Variants in ERBIN observed in about 807,000 individuals in gnomAD.
ERBIN encodes the protein densin-180-like protein.
In ERBIN, 60 loss-of-function variants were observed where a neutral mutation model predicts 158.4. The ratio of observed to expected loss-of-function variants is 0.38; its 90% CI spans 0.31 to 0.47. The LOEUF (loss-of-function observed/expected upper bound fraction) is 0.47, where lower values mean the gene tolerates loss of function less well. Ranked by LOEUF, ERBIN falls within the 20% of genes least tolerant of loss-of-function variation. The pLI, the probability that ERBIN is intolerant of heterozygous loss-of-function variation, is 0.99. For missense variants in ERBIN, 1,610 were observed against 1,648.0 expected, an observed-to-expected ratio of 0.98 and a Z score of 0.40; for synonymous variants, 594 against 557.2, an observed-to-expected ratio of 1.07 and a Z score of -0.93.
intron 4 of ERBIN, among the ~76,000 whole-genome samples, chr5:66,004,379 CGTGT>C (rs200125077): frequency 1.3e-5 from 2 of 151,812 alleles, no homozygotes; most frequent in African/African-American, 2.4e-5. Context: ...TCTGTGTGTG[CGTGT>C]GTGTGTGCGC....
intron 16 of ERBIN, among the ~76,000 whole-genome samples, chr5:66,043,499 C>A (rs1758120051): frequency 6.6e-6 from 1 of 152,076 alleles, no homozygotes; most frequent in Admixed American, 6.5e-5. Flanking sequence ...TGTTTAACTT[C>A]AGTTTAGCTG....
intron 21 of ERBIN, among the ~76,000 whole-genome samples, chr5:66,059,435 G>T (rs1760001131): frequency 6.6e-6 from 1 of 152,250 alleles, no homozygotes; most frequent in Non-Finnish European, 1.5e-5. Context: ...AGGAGATTTT[G>T]GGCTGAGATG....
intron 1 of ERBIN, among the ~76,000 whole-genome samples, chr5:65,981,908 C>T (rs139334524): frequency 6.6e-6 from 1 of 152,282 alleles, no homozygotes; most frequent in African/African-American, 2.4e-5. Context: ...GTAAACAAGT[C>T]ACAAGGCCTG....
chr5:66,053,977 C>T lies in ERBIN; in HGVS notation c.2659C>T (p.Leu887Phe), dbSNP rs776640628. Reference sequence around the variant, plus strand: ...TGGAGGGCTAAAAATCTATGATATTCTTAGTGATAATGGACCTCAGCAGCC... The same window carrying T: ...TGGAGGGCTAAAAATCTATGATATTTTTAGTGATAATGGACCTCAGCAGCC... Reference protein sequence around the residue: ...EIGGLKIYDILSDNGPQQPST... With the variant: ...EIGGLKIYDIFSDNGPQQPST... The change falls in exon 21 of 26, where the codon CTT (leucine) becomes TTT (phenylalanine). Residue 887 changes from leucine (L) to phenylalanine (F), a missense_variant. Physicochemically the swap from Leu to Phe is conservative, Grantham distance 22. This residue lies in a region of ERBIN where 1,014 missense variants were observed against 936.1 expected (regional missense o/e 1.08). Transcript: ENST00000284037. 1.9e-5 allele frequency: 30 copies of T among 1,614,082 alleles called. No homozygotes were observed. In the East Asian group the frequency reaches 3.6e-4, roughly 19 times the overall value.
chr5:66,005,192 GC>G (rs1047134820), intron 4 of ERBIN, among the ~76,000 whole-genome samples: 1 of 152,122 alleles, frequency 6.6e-6, no homozygotes, highest in Non-Finnish European at 1.5e-5. Context: ...GATGAGGACA[GC>G]CCCTGGATAT....
chr5:65,946,691 A>G (rs1745792190), intron 1 of ERBIN, among the ~76,000 whole-genome samples: 1 of 152,168 alleles, frequency 6.6e-6, no homozygotes, highest in Non-Finnish European at 1.5e-5. Flanking sequence ...AAACTGCCAA[A>G]GAGTGTTTTC....
intron 10 of ERBIN, 103 bp downstream of exon 10, chr5:66,024,553 C>T: frequency 9.0e-7 from 1 of 1,113,136 alleles, no homozygotes; most frequent in Non-Finnish European, 1.3e-6. Flanking sequence ...ACTTCGTTAC[C>T]ACAGGAACGG....
chr5:65,976,150 C>T (rs116228590), intron 1 of ERBIN, among the ~76,000 whole-genome samples: 1,528 of 152,190 alleles, frequency 0.01, 21 homozygotes, highest in African/African-American at 0.034. Flanking sequence ...AGGATCGTAT[C>T]TTATGGGGAA....
At chr5:65,945,463 C>G (rs941422434) in intron 1 of ERBIN, among the ~76,000 whole-genome samples, 1 of 152,154 alleles carries the variant, frequency 6.6e-6, no homozygotes, top group Non-Finnish European at 1.5e-5. Flanking sequence ...TTTGTTCATC[C>G]AGGATGAGCC....
At chr5:65,937,061 C>A (rs1744178097) in intron 1 of ERBIN, among the ~76,000 whole-genome samples, 1 of 152,174 alleles carries the variant, frequency 6.6e-6, no homozygotes, top group African/African-American at 2.4e-5. Flanking sequence ...CCACGACTTA[C>A]TAATTATGAC....
At chr5:65,958,812 A>G (rs1352398371) in intron 1 of ERBIN, among the ~76,000 whole-genome samples, 4 of 152,308 alleles carry the variant, frequency 2.6e-5, no homozygotes, top group African/African-American at 9.6e-5. Flanking sequence ...GATGTGTTCA[A>G]CACTTTCTTA....
At chr5:66,037,645 G>A (rs1394746365) in intron 14 of ERBIN, among the ~76,000 whole-genome samples, 1 of 152,168 alleles carries the variant, frequency 6.6e-6, no homozygotes, top group Non-Finnish European at 1.5e-5. Context: ...AAAGAATTAA[G>A]TAATAGGGTG....
intron 21 of ERBIN, among the ~76,000 whole-genome samples, chr5:66,069,333 A>G (rs934675949): frequency 6.6e-6 from 1 of 152,208 alleles, no homozygotes. Context: ...AAACTTTTCT[A>G]TTCCTAAGGA....
At chr5:66,068,297 A>G (rs1428938701) in intron 21 of ERBIN, among the ~76,000 whole-genome samples, 1 of 151,914 alleles carries the variant, frequency 6.6e-6, no homozygotes. Context: ...GGAGCTTGCT[A>G]TTGTACTCCG....
At chr5:66,058,569 GTT>G (rs2151256269) in intron 21 of ERBIN, among the ~76,000 whole-genome samples, 1 of 150,670 alleles carries the variant, frequency 6.6e-6, no homozygotes, top group African/African-American at 2.5e-5. Context: ...TTTGGCTTTT[GTT>G]GCCATTGCTT....
intron 11 of ERBIN, 27 bp downstream of exon 11, chr5:66,025,579 C>T (rs750918002): frequency 6.6e-7 from 1 of 1,518,452 alleles, no homozygotes; most frequent in Non-Finnish European, 9.1e-7. Context: ...TGTATACACC[C>T]TCGAAGATTT....
At position 66,021,308 on chromosome 5, in the gene ERBIN, T is replaced by G; in HGVS notation, c.534-14T>G. The G allele has an allele frequency of 2.0e-6, 3 of 1,532,342 alleles. No individual in the cohort carries two copies. In the African/African-American group the frequency reaches 4.1e-5, roughly 21 times the overall value. 94.9% of individuals were successfully genotyped at this position (1,532,342 alleles called of 1,614,324 possible). ...ATTTTTCTAGTTAATTTTTCATTAC[T>G]CCATTATGAACAGAACTATGAATAG... On this transcript the variant is annotated splice_polypyrimidine_tract_variant and intron_variant, in intron 7 of 25. Coordinates refer to ENST00000284037, the MANE Select transcript of ERBIN (RefSeq NM_001253697.2).
At chr5:65,973,368 G>GT (rs1749485290) in intron 1 of ERBIN, among the ~76,000 whole-genome samples, 1 of 150,728 alleles carries the variant, frequency 6.6e-6, no homozygotes, top group Admixed American at 6.6e-5. Context: ...AAACTTGCAC[G>GT]TTGGGCACAT....
intron 1 of ERBIN, among the ~76,000 whole-genome samples, chr5:65,946,214 A>AG (rs1745724153): frequency 6.6e-6 from 1 of 152,098 alleles, no homozygotes; most frequent in Non-Finnish European, 1.5e-5. Flanking sequence ...AAATACAAAA[A>AG]TCAGGTGGGT....
Sources: gnomAD v4.1 joint callset for allele counts (sites outside exome capture counted in the v4.1 genomes callset) on GRCh38, gnomAD v4.1.1 for gene constraint, gnomAD v4.1.1 regional missense constraint, MANE v1.5 for transcripts, NCBI Gene and HGNC (gene_info 2026-07-23, HGNC 2026-07-21) for gene names.